Variants in ECPAS observed in about 807,000 individuals in gnomAD.
ECPAS encodes Ecm29 proteasome adaptor and scaffold, also known as proteasome adapter and scaffold protein ECM29.
Under a neutral mutation model 255.1 loss-of-function variants are expected in ECPAS, and 70 were observed. That is an observed-to-expected ratio of 0.27 (90% CI 0.23 to 0.33). The LOEUF (loss-of-function observed/expected upper bound fraction) is 0.33, where lower values mean the gene tolerates loss of function less well. Among genes scored for constraint, ECPAS ranks in the 10% least tolerant of loss-of-function variants. The pLI is 1.00. For missense variants in ECPAS, 1,817 were observed against 2,206.4 expected, an observed-to-expected ratio of 0.82 and a Z score of 3.54; for synonymous variants, 784 against 775.0, an observed-to-expected ratio of 1.01 and a Z score of -0.19.
At chr9:111,450,730 C>A (rs118029910) in intron 3 of ECPAS, among the ~76,000 whole-genome samples, 9,755 of 152,186 alleles carry the variant, frequency 0.064, 459 homozygotes, top group East Asian at 0.2. Flanking sequence ...GAGTTTGAGA[C>A]CAGCCTGAGC....
At chr9:111,446,011 C>T (rs2131930849) in intron 3 of ECPAS, among the ~76,000 whole-genome samples, 1 of 152,282 alleles carries the variant, frequency 6.6e-6, no homozygotes, top group African/African-American at 2.4e-5. Flanking sequence ...ATGAACTCAT[C>T]CTTTTTTATG....
At chr9:111,395,671 GT>G (rs1261357059) in intron 25 of ECPAS, among the ~76,000 whole-genome samples, 1 of 152,040 alleles carries the variant, frequency 6.6e-6, no homozygotes, top group African/African-American at 2.4e-5. Flanking sequence ...AAGTCACTAG[GT>G]AAAAAACCCA....
At chr9:111,423,419 A>G (rs370545054) in intron 12 of ECPAS, among the ~76,000 whole-genome samples, 171 bp from the exon 13 acceptor site, 5 of 152,318 alleles carry the variant, frequency 3.3e-5, no homozygotes, top group African/African-American at 9.6e-5. Context: ...GAACAACAAC[A>G]AAAATGTCCA....
intron 8 of ECPAS, 42 bp downstream of exon 8, chr9:111,433,191 T>C (rs1417917297): frequency 1.3e-6 from 2 of 1,595,796 alleles, no homozygotes; most frequent in East Asian, 2.2e-5. Context: ...TTTTTAGAAA[T>C]GTAGTCCTTT....
At chr9:111,366,060 T>A in intron 48 of ECPAS, 179 bp downstream of exon 48, 1 of 550,690 alleles carries the variant, frequency 1.8e-6, no homozygotes, top group Admixed American at 3.5e-5. Flanking sequence ...GCTAAAATCC[T>A]GTTATAGTTC....
At chr9:111,387,418 G>A (rs2098151139) in intron 31 of ECPAS, among the ~76,000 whole-genome samples, 1 of 152,034 alleles carries the variant, frequency 6.6e-6, no homozygotes, top group Non-Finnish European at 1.5e-5. Flanking sequence ...GAGAGACAGT[G>A]TCTCACTCAT....
chr9:111,461,697 C>T (rs1029463515), intron 2 of ECPAS, among the ~76,000 whole-genome samples: 1 of 152,114 alleles, frequency 6.6e-6, no homozygotes, highest in Admixed American at 6.5e-5. Context: ...TAATCCCTAC[C>T]TCACACCATA....
intron 16 of ECPAS, among the ~76,000 whole-genome samples, chr9:111,419,351 T>C (rs567380865): frequency 2.3e-4 from 35 of 152,278 alleles, no homozygotes; most frequent in Admixed American, 1.3e-4. Flanking sequence ...TATTATGAAA[T>C]AGATTAGAAT....
intron 24 of ECPAS, among the ~76,000 whole-genome samples, chr9:111,407,658 C>A (rs767645487): frequency 2.6e-5 from 4 of 152,060 alleles, no homozygotes; most frequent in Admixed American, 1.3e-4. Flanking sequence ...TCTCTTCTCC[C>A]TCCCATCATT....
intron 1 of ECPAS, chr9:111,483,419 C>T (rs2098309883): frequency 3.1e-6 from 2 of 644,160 alleles, no homozygotes; most frequent in Non-Finnish European, 3.8e-6. Flanking sequence ...GGGCCTGGCG[C>T]CCCAGCCCTC....
At chr9:111,401,742 T>C (rs896966277) in intron 24 of ECPAS, among the ~76,000 whole-genome samples, 3 of 152,180 alleles carry the variant, frequency 2.0e-5, no homozygotes, top group Non-Finnish European at 4.4e-5. Context: ...ATTATTAATA[T>C]TCCTTGCTGG....
At chr9:111,365,394 G>A (rs911027431) in intron 48 of ECPAS, among the ~76,000 whole-genome samples, 1 of 151,828 alleles carries the variant, frequency 6.6e-6, no homozygotes, top group African/African-American at 2.4e-5. Flanking sequence ...GGCTGGGTGT[G>A]GTGGCTCATG....
intron 7 of ECPAS, among the ~76,000 whole-genome samples, chr9:111,435,971 A>G (rs986485683): frequency 6.7e-5 from 10 of 149,462 alleles, no homozygotes; most frequent in African/African-American, 2.2e-4. Context: ...TACAGGCATT[A>G]GCCACTGCGC....
At chr9:111,370,849 G>C (rs2098126478) in intron 43 of ECPAS, 84 bp from the exon 44 acceptor site, 1 of 1,303,840 alleles carries the variant, frequency 7.7e-7, no homozygotes, top group South Asian at 1.3e-5. Context: ...ATTACCTTAG[G>C]AATTTTTGAT....
intron 6 of ECPAS, among the ~76,000 whole-genome samples, chr9:111,439,220 G>A (rs1449851555): frequency 1.3e-5 from 2 of 152,166 alleles, no homozygotes; most frequent in African/African-American, 4.8e-5. Flanking sequence ...ATTTGTCAGA[G>A]ACAAACGGAG....
intron 1 of ECPAS, among the ~76,000 whole-genome samples, chr9:111,480,967 A>G (rs1028071587): frequency 4.6e-5 from 7 of 152,228 alleles, no homozygotes; most frequent in Non-Finnish European, 5.9e-5. Context: ...AGAATATCCA[A>G]TTCTTCCTCT....
intron 8 of ECPAS, among the ~76,000 whole-genome samples, chr9:111,431,093 G>A (rs1319484479): frequency 6.6e-6 from 1 of 152,128 alleles, no homozygotes; most frequent in Non-Finnish European, 1.5e-5. Context: ...CCACATCTAG[G>A]AAGCTTGCAA....
chr9:111,436,909 A>G (rs1006029480), intron 7 of ECPAS, 31 bp downstream of exon 7: 1 of 1,539,082 alleles, frequency 6.5e-7, no homozygotes, highest in Non-Finnish European at 8.7e-7. Context: ...TCCACAATCA[A>G]CTACTATTAT....
chr9:111,425,216 A>G (rs571801228), intron 12 of ECPAS, among the ~76,000 whole-genome samples: 6 of 152,180 alleles, frequency 3.9e-5, no homozygotes, highest in East Asian at 1.9e-4. Context: ...GTAAGACCTC[A>G]TATCAGTTTT....
Sources: allele counts gnomAD v4.1 joint callset (sites outside exome capture counted in the v4.1 genomes callset), GRCh38; gene constraint gnomAD v4.1.1; transcripts MANE v1.5; gene names NCBI Gene and HGNC (gene_info 2026-07-23, HGNC 2026-07-21).